Variants in UNC13C observed in about 807,000 individuals in gnomAD.
The protein encoded by UNC13C is unc-13 homolog C.
UNC13C carries 174 observed loss-of-function variants against 245.4 expected under a neutral mutation model. The ratio of observed to expected loss-of-function variants is 0.71; its 90% CI spans 0.63 to 0.80. The LOEUF (loss-of-function observed/expected upper bound fraction) is 0.80, where lower values mean the gene tolerates loss of function less well. UNC13C is among the 30% of genes least tolerant of loss of function. The pLI, the probability that UNC13C is intolerant of heterozygous loss-of-function variation, is 0.00. For missense variants in UNC13C, 2,829 were observed against 2,602.9 expected (o/e 1.09, Z -1.89); for synonymous variants, 992 against 895.1 (o/e 1.11, Z -1.93).
chr15:53,994,695 C>T (rs902834162), intron 1 of UNC13C, among the ~76,000 whole-genome samples: 4 of 152,058 alleles, frequency 2.6e-5, no homozygotes, highest in Non-Finnish European at 5.9e-5. Flanking sequence ...GGGAGAACAG[C>T]TTGGAAGCCA....
At chr15:54,590,334 G>A (rs144396843) in intron 30 of UNC13C, among the ~76,000 whole-genome samples, 17 of 152,284 alleles carry the variant, frequency 1.1e-4, no homozygotes, top group South Asian at 4.1e-4. Context: ...AATGATGGTG[G>A]TATTTTCATG....
intron 2 of UNC13C, among the ~76,000 whole-genome samples, chr15:54,027,038 G>T (rs1466940768): frequency 6.6e-6 from 1 of 152,078 alleles, no homozygotes; most frequent in East Asian, 1.9e-4. Context: ...TAAGGAAATG[G>T]TATTTGATCT....
At chr15:54,340,135 T>G (rs569149578) in intron 17 of UNC13C, among the ~76,000 whole-genome samples, 1 of 152,086 alleles carries the variant, frequency 6.6e-6, no homozygotes, top group South Asian at 2.1e-4. Context: ...TCTGATAAGA[T>G]TTTTTTTCTT....
intron 13 of UNC13C, chr15:54,321,048 T>TC (rs2038143118): frequency 4.3e-6 from 2 of 467,994 alleles, no homozygotes; most frequent in Non-Finnish European, 4.2e-6. Context: ...AAGTTGTTAT[T>TC]CCCCCGAAAC....
rs149175793 is a variant in UNC13C, at chr15:54,440,309, C to T, written c.4933+25242C>T. Among the ~76,000 whole-genome samples, 115 of 152,078 alleles carry T rather than the reference C, an allele frequency of 7.6e-4. 1 individual carries two copies. The East Asian group carries it at 0.019, about 26-fold the overall frequency. On this transcript the variant is annotated intron_variant, in intron 19 of 32. Coordinates refer to ENST00000260323, the MANE Select transcript of UNC13C (RefSeq NM_001080534.3). ...TTATTTCCTTTATAAATTACCCAGC[C>T]TTGGGTATTTCTTTATGGCAGTGTG...
At chr15:54,083,228 C>T (rs1429031547) in intron 2 of UNC13C, among the ~76,000 whole-genome samples, 3 of 152,082 alleles carry the variant, frequency 2.0e-5, no homozygotes, top group African/African-American at 2.4e-5. Flanking sequence ...TTGCAGGGCT[C>T]AAAACCTCCA....
intron 30 of UNC13C, among the ~76,000 whole-genome samples, chr15:54,607,018 C>A (rs184708414): frequency 8.1e-4 from 124 of 152,188 alleles, no homozygotes; most frequent in Non-Finnish European, 6.8e-4. Flanking sequence ...GTGGAGAAAT[C>A]AGGGAAGGTT....
chr15:54,559,896 C>T (rs1197343259), intron 29 of UNC13C, among the ~76,000 whole-genome samples: 1 of 151,960 alleles, frequency 6.6e-6, no homozygotes. Flanking sequence ...TTGGAGCCAG[C>T]ATGCTGCGGC....
At chr15:53,849,412 G>C in the UNC13C span, among the ~76,000 whole-genome samples, 1 of 151,522 alleles carries the variant, frequency 6.6e-6, no homozygotes, top group Non-Finnish European at 1.5e-5. Context: ...ATAATTTTAT[G>C]GTCTACCTTC....
intron 10 of UNC13C, among the ~76,000 whole-genome samples, chr15:54,277,375 G>C (rs1029425994): frequency 6.6e-6 from 1 of 152,106 alleles, no homozygotes; most frequent in Non-Finnish European, 1.5e-5. Flanking sequence ...AACCTCTTGA[G>C]CTTTTATTAT....
At chr15:54,009,962 T>A (rs2140986726) in intron 1 of UNC13C, among the ~76,000 whole-genome samples, 2 of 152,270 alleles carry the variant, frequency 1.3e-5, no homozygotes, top group Middle Eastern at 3.4e-3. Context: ...TACCTTCTGA[T>A]TGTATTTTGT....
At chr15:54,317,070 A>C (rs1440573573) in intron 13 of UNC13C, among the ~76,000 whole-genome samples, 1 of 151,980 alleles carries the variant, frequency 6.6e-6, no homozygotes, top group Non-Finnish European at 1.5e-5. Flanking sequence ...ATAGGAAAAA[A>C]ATGGTTAAAT....
chr15:54,416,991 C>T (rs1039880446), intron 19 of UNC13C: 8 of 456,570 alleles, frequency 1.8e-5, no homozygotes, highest in Non-Finnish European at 3.5e-5. Context: ...CAGCTACTGA[C>T]ACCTCCTCAG....
rs947819247 is a variant in UNC13C at position 54,338,238 on chromosome 15, T to C, written c.4585-123T>C. On this transcript the variant is annotated intron_variant, in intron 16 of 32. Coordinates refer to ENST00000260323, the MANE Select transcript of UNC13C (RefSeq NM_001080534.3). The stretch of plus-strand genomic sequence containing the variant: ...ACACATTTAAAACCACATGGTAAGA[T>C]GACACTTACTGAACATAGAAAAATC... 5.6e-5 allele frequency: 63 copies of C among 1,126,016 alleles called. No homozygotes were observed. In the East Asian group the frequency reaches 1.2e-3, roughly 22 times the overall value. 69.8% of individuals were successfully genotyped at this position (1,126,016 alleles called of 1,614,324 possible).
At chr15:54,366,222 AATTTGGGTGGTGC>A (rs1196207725) in intron 17 of UNC13C, among the ~76,000 whole-genome samples, 1 of 152,110 alleles carries the variant, frequency 6.6e-6, no homozygotes, top group African/African-American at 2.4e-5. Context: ...ATCTACATAT[AATTTGGGTGGTGC>A]ATTTTCTAGT....
chr15:54,245,743 G>C (rs888084478), intron 7 of UNC13C, among the ~76,000 whole-genome samples: 1 of 152,142 alleles, frequency 6.6e-6, no homozygotes, highest in Admixed American at 6.5e-5. Context: ...TCACCGAAGA[G>C]TAGATATATT....
chr15:54,291,982 G>A (rs2037310413), intron 10 of UNC13C, among the ~76,000 whole-genome samples: 1 of 152,020 alleles, frequency 6.6e-6, no homozygotes, highest in Non-Finnish European at 1.5e-5. Flanking sequence ...ACTGTTGATA[G>A]AATTAAGATG....
chr15:54,406,385 A>G (rs1191271313), intron 18 of UNC13C, among the ~76,000 whole-genome samples: 1 of 152,172 alleles, frequency 6.6e-6, no homozygotes, highest in Non-Finnish European at 1.5e-5. Flanking sequence ...TCAGAGAAAG[A>G]TCAGAAAATC....
At chr15:54,487,397 C>A (rs1487672829) in intron 19 of UNC13C, among the ~76,000 whole-genome samples, 2 of 152,008 alleles carry the variant, frequency 1.3e-5, no homozygotes, top group African/African-American at 2.4e-5. Flanking sequence ...ATGAAAGAAA[C>A]TTCTATATCT....
Sources: allele counts gnomAD v4.1 joint callset (sites outside exome capture counted in the v4.1 genomes callset), GRCh38; gene constraint gnomAD v4.1.1; transcripts MANE v1.5; gene names NCBI Gene and HGNC (gene_info 2026-07-23, HGNC 2026-07-21).